Variants in PHF20L1 observed in about 807,000 individuals in gnomAD.
PHF20L1 encodes the protein PHD finger protein 20 like 1.
Under a neutral mutation model 125.5 loss-of-function variants are expected in PHF20L1, and 44 were observed. The ratio of observed to expected loss-of-function variants is 0.35; its 90% CI spans 0.28 to 0.45. PHF20L1 has a LOEUF of 0.45. PHF20L1 is among the 20% of genes least tolerant of loss of function. The pLI, the probability that PHF20L1 is intolerant of heterozygous loss-of-function variation, is 1.00. For synonymous variants in PHF20L1, 380 were observed against 403.1 expected, an observed-to-expected ratio of 0.94 and a Z score of 0.69; for missense variants, 1,012 against 1,217.2, an observed-to-expected ratio of 0.83 and a Z score of 2.51.
At chr8:132,792,495 C>T (rs986639932) in intron 2 of PHF20L1, among the ~76,000 whole-genome samples, 4 of 152,112 alleles carry the variant, frequency 2.6e-5, no homozygotes, top group African/African-American at 9.7e-5. Context: ...TATACTTACT[C>T]CCCCCAAAAG....
Position 132,815,050 on chromosome 8 carries a change from T to A in PHF20L1, c.1183+161T>A, listed in dbSNP as rs538896399. On this transcript the variant is annotated intron_variant, in intron 10 of 20. Coordinates refer to ENST00000395386, the MANE Select transcript of PHF20L1 (RefSeq NM_016018.5). ...ATTTCAGGGGCAAAAACCATAGACA[T>A]TTCTTACTGATTTATTGCTTAGAGA... 1.5e-5 allele frequency: 8 copies of A among 538,184 alleles called. No individual in the cohort carries two copies. In the South Asian group the frequency reaches 2.3e-4, roughly 15 times the overall value. The allele number at this position is 538,184 out of a possible 1,614,324, so 33.3% of individuals were successfully genotyped here.
At chr8:132,822,738 T>A (rs1359015392) in intron 12 of PHF20L1, among the ~76,000 whole-genome samples, 1 of 151,966 alleles carries the variant, frequency 6.6e-6, no homozygotes, top group Non-Finnish European at 1.5e-5. Flanking sequence ...CTTATTTAGG[T>A]TTAAACTTAC....
At chr8:132,812,718 G>A (rs545120363) in intron 9 of PHF20L1, 65 of 983,934 alleles carry the variant, frequency 6.6e-5, no homozygotes, top group Non-Finnish European at 7.6e-5. Flanking sequence ...TTAAAAAGCC[G>A]AGTTATAAAG....
At chr8:132,827,073 A>G (rs1299584039) in intron 14 of PHF20L1, among the ~76,000 whole-genome samples, 1 of 151,666 alleles carries the variant, frequency 6.6e-6, no homozygotes, top group African/African-American at 2.4e-5. Context: ...ATGGGGTTCA[A>G]AGCTTGAAAC....
intron 2 of PHF20L1, among the ~76,000 whole-genome samples, chr8:132,790,658 G>C (rs1473422108): frequency 6.6e-6 from 1 of 152,094 alleles, no homozygotes; most frequent in East Asian, 1.9e-4. Context: ...GGTCTTTGAG[G>C]ACAAATAACC....
At chr8:132,807,567 AT>A (rs1228306015) in intron 8 of PHF20L1, 1 of 361,552 alleles carries the variant, frequency 2.8e-6, no homozygotes, top group Non-Finnish European at 5.4e-6. Context: ...TGATAATAAT[AT>A]CAAGAATATT....
chr8:132,804,772 G>A (rs767387414), intron 8 of PHF20L1, 32 bp downstream of exon 8: 12 of 1,546,052 alleles, frequency 7.8e-6, no homozygotes, highest in Admixed American at 1.9e-5. Context: ...TTTGAGGGGG[G>A]GAAATGGAAG....
intron 6 of PHF20L1, 123 bp downstream of exon 6, chr8:132,799,295 A>C (rs1449582575): frequency 8.5e-6 from 5 of 586,734 alleles, no homozygotes; most frequent in Non-Finnish European, 1.2e-5. Flanking sequence ...TCCTTCTACA[A>C]ATCATAGTCA....
In PHF20L1 at chr8:132,821,838, AT is replaced by A. The variant is rs989858469; in HGVS notation, c.1580-2157del. On this transcript the variant is annotated intron_variant, in intron 12 of 20. Transcript: ENST00000395386. ...GCGTTTTGTATTCAGCTGCCAGATA[AT>A]TTTTTTTTAATGTTCTGTTGCTAAA... Among the ~76,000 whole-genome samples, 104 of 151,234 alleles carry A rather than the reference AT, an allele frequency of 6.9e-4. 1 individual carries two copies. The highest frequency in any genetic ancestry group is 5.9e-3 in the Admixed American group (90 of 15,146).
chr8:132,815,736 A>G (rs1834903851), intron 10 of PHF20L1: 1 of 151,868 alleles, frequency 6.6e-6, no homozygotes, highest in Non-Finnish European at 1.5e-5. Flanking sequence ...ATTTTCCTTC[A>G]GTTGCCATAT....
At chr8:132,786,283 G>A (rs1206052626) in intron 2 of PHF20L1, among the ~76,000 whole-genome samples, 1 of 151,902 alleles carries the variant, frequency 6.6e-6, no homozygotes, top group East Asian at 1.9e-4. Flanking sequence ...ATCATACTTA[G>A]TCATAGTTGA....
At chr8:132,831,362 C>T (rs1277019633) in intron 14 of PHF20L1, among the ~76,000 whole-genome samples, 1 of 149,720 alleles carries the variant, frequency 6.7e-6, no homozygotes, top group Non-Finnish European at 1.5e-5. Flanking sequence ...ATCACACCCC[C>T]ACCTCCTTTT....
In PHF20L1 at chr8:132,836,565, T is replaced by C. The variant is rs371943576; in HGVS notation, c.1935T>C (p.Asp645=). The C allele has an allele frequency of 1.9e-6, 3 of 1,610,954 alleles. No individual in the cohort carries two copies. The highest frequency in any genetic ancestry group is 1.3e-5 in the African/African-American group (1 of 74,948). Residue 645 remains aspartate (D), a synonymous_variant, in exon 16 of 21, where the codon GAT becomes GAC. Coordinates refer to ENST00000395386, the MANE Select transcript of PHF20L1 (RefSeq NM_016018.5). The stretch of plus-strand genomic sequence containing the variant: ...ACTTATCAGATGTAGACTTCCTAGA[T>C]GATTCTTCAACGGAGAGTTTGCTTC... ...GENLSDVDFL[D]DSSTESLLLS...
chr8:132,791,349 G>A (rs965330689), intron 2 of PHF20L1, among the ~76,000 whole-genome samples: 1 of 150,494 alleles, frequency 6.6e-6, no homozygotes, highest in African/African-American at 2.5e-5. Context: ...TGCCTCCCGG[G>A]TTCAAGCGAT....
At chr8:132,781,618 A>C (rs1040468348) in intron 2 of PHF20L1, among the ~76,000 whole-genome samples, 4 of 151,980 alleles carry the variant, frequency 2.6e-5, no homozygotes, top group Non-Finnish European at 5.9e-5. Flanking sequence ...TTTTTAGTAG[A>C]GATGGGGTTT....
At chr8:132,838,113 G>A (rs367901285) in intron 17 of PHF20L1, 9 of 203,140 alleles carry the variant, frequency 4.4e-5, no homozygotes, top group Non-Finnish European at 6.1e-5. Context: ...CTCAACTTCC[G>A]TATTAAAATT....
chr8:132,780,458 G>A (rs1830299041), intron 2 of PHF20L1, among the ~76,000 whole-genome samples: 1 of 152,008 alleles, frequency 6.6e-6, no homozygotes, highest in African/African-American at 2.4e-5. Flanking sequence ...TGACATTCTT[G>A]TGAGAAGCAA....
At chr8:132,794,694 A>T in intron 3 of PHF20L1, 39 bp from the exon 4 acceptor site, 1 of 1,525,442 alleles carries the variant, frequency 6.6e-7, no homozygotes, top group South Asian at 1.2e-5. Flanking sequence ...ATGCTTATTT[A>T]ATATACATGG....
chr8:132,813,615 A>C (rs1447597629), intron 9 of PHF20L1, among the ~76,000 whole-genome samples: 1 of 152,040 alleles, frequency 6.6e-6, no homozygotes, highest in Non-Finnish European at 1.5e-5. Context: ...TTATAGTGCT[A>C]GCAGTCTGAT....
Sources: allele counts gnomAD v4.1 joint callset (sites outside exome capture counted in the v4.1 genomes callset), GRCh38; gene constraint gnomAD v4.1.1; transcripts MANE v1.5; gene names NCBI Gene and HGNC (gene_info 2026-07-23, HGNC 2026-07-21).